The following ARHGAP22 variants were observed in gnomAD, a reference collection of about 807,000 sequenced individuals.
ARHGAP22 encodes the protein Rho GTPase activating protein 22.
Under a neutral mutation model 59.1 loss-of-function variants are expected in ARHGAP22, and 48 were observed. The observed-to-expected ratio is 0.81, with a 90% CI of 0.64 to 1.03. The LOEUF is 1.03. Ranked by LOEUF, ARHGAP22 falls within the 50% of genes least tolerant of loss-of-function variation. The probability of loss-of-function intolerance (pLI) is 0.00; values close to 1 mark genes in which losing one functional copy is unlikely to be tolerated. For synonymous variants in ARHGAP22, 445 were observed against 416.4 expected, an observed-to-expected ratio of 1.07 and a Z score of -0.84; for missense variants, 1,015 against 958.7, an observed-to-expected ratio of 1.06 and a Z score of -0.78.
intron 1 of ARHGAP22, among the ~76,000 whole-genome samples, chr10:48,628,302 C>T (rs1044891220): frequency 6.6e-6 from 1 of 152,238 alleles, no homozygotes; most frequent in Non-Finnish European, 1.5e-5. Flanking sequence ...ATCTACCAGG[C>T]ACCTACCACA....
At chr10:48,492,412 T>C (rs1414402542) in intron 3 of ARHGAP22, among the ~76,000 whole-genome samples, 1 of 152,170 alleles carries the variant, frequency 6.6e-6, no homozygotes, top group Non-Finnish European at 1.5e-5. Flanking sequence ...AGGCCAAGTG[T>C]CTAGATGCAG....
intron 3 of ARHGAP22, among the ~76,000 whole-genome samples, chr10:48,544,920 T>C (rs897389086): frequency 1.3e-5 from 2 of 152,176 alleles, no homozygotes; most frequent in African/African-American, 2.4e-5. Flanking sequence ...TAAGTAAATA[T>C]ATATCAAGTA....
chr10:48,645,908 C>A (rs897607246), intron 1 of ARHGAP22, among the ~76,000 whole-genome samples: 2 of 152,118 alleles, frequency 1.3e-5, no homozygotes, highest in African/African-American at 4.8e-5. Context: ...AGAAGAAAAT[C>A]TGTCTTTATT....
chr10:48,486,450 C>T (rs1350280992), intron 3 of ARHGAP22, among the ~76,000 whole-genome samples: 1 of 151,974 alleles, frequency 6.6e-6, no homozygotes, highest in Non-Finnish European at 1.5e-5. Context: ...AAGCAATTCT[C>T]CCGTCTCAGC....
chr10:48,512,899 A>G lies in ARHGAP22; in HGVS notation c.323-33135T>C, dbSNP rs561310698. On this transcript the variant is annotated intron_variant, in intron 3 of 9. Coordinates refer to ENST00000249601, the MANE Select transcript of ARHGAP22 (RefSeq NM_021226.4). Reference sequence around the variant, plus strand: ...AAGGGGGACAAGGCCGCATCTAGAGAAGCCTTGAGAACTTGCTCATATACC... The same window carrying G: ...AAGGGGGACAAGGCCGCATCTAGAGGAGCCTTGAGAACTTGCTCATATACC... 2.0e-5 allele frequency among the ~76,000 whole-genome samples: 3 copies of G among 152,324 alleles called. No homozygotes were observed. The South Asian group carries it at 6.2e-4, about 32-fold the overall frequency.
the ARHGAP22 span, chr10:48,439,376 T>C: frequency 6.6e-6 from 1 of 151,684 alleles, no homozygotes. Context: ...AGTTTTTTCA[T>C]TGAAAACAAA....
intron 7 of ARHGAP22, 147 bp downstream of exon 7, chr10:48,453,941 C>G (rs41306926): frequency 0.1 from 83,799 of 807,250 alleles, 4,624 homozygotes; most frequent in African/African-American, 0.12. Context: ...CCACTCCCTG[C>G]TTCGTCCACG....
At chr10:48,509,293 C>T (rs750443785) in intron 3 of ARHGAP22, among the ~76,000 whole-genome samples, 22 of 152,168 alleles carry the variant, frequency 1.4e-4, no homozygotes, top group Non-Finnish European at 2.5e-4. Flanking sequence ...CATGGGGCAT[C>T]GCTCAGGAGC....
chr10:48,652,373 T>TACTGGAAAACAGGAA, exon 1 of ARHGAP22: 1 of 1,151,722 alleles, frequency 8.7e-7, no homozygotes, highest in Non-Finnish European at 1.3e-6. Flanking sequence ...TAATTCCTGT[T>TACTGGAAAACAGGAA]TTCCAGTAAC....
intron 4 of ARHGAP22, among the ~76,000 whole-genome samples, chr10:48,460,232 T>C (rs1467508933): frequency 6.6e-6 from 1 of 152,166 alleles, no homozygotes; most frequent in Non-Finnish European, 1.5e-5. Context: ...TTTGCAGTCA[T>C]TCCAAATGAG....
intron 1 of ARHGAP22, among the ~76,000 whole-genome samples, chr10:48,613,782 G>A (rs1272427525): frequency 6.6e-6 from 1 of 152,146 alleles, no homozygotes; most frequent in Non-Finnish European, 1.5e-5. Context: ...GAAGTGCTAT[G>A]GTTTGAGTGT....
At chr10:48,655,044 T>C (rs375300477), upstream of ARHGAP22, among the ~76,000 whole-genome samples, 1 of 50,684 alleles carries the variant, frequency 2.0e-5, no homozygotes, top group African/African-American at 7.4e-5. Context: ...CTTTCTTTCT[T>C]TCTTTCTTTC....
intron 3 of ARHGAP22, among the ~76,000 whole-genome samples, chr10:48,520,785 G>T (rs1439723432): frequency 6.6e-6 from 1 of 152,102 alleles, no homozygotes; most frequent in Admixed American, 6.5e-5. Context: ...CAGCAGGAAG[G>T]GTGAGGGGCG....
intron 1 of ARHGAP22, among the ~76,000 whole-genome samples, chr10:48,631,377 A>G (rs1304273685): frequency 6.6e-6 from 1 of 152,222 alleles, no homozygotes; most frequent in Non-Finnish European, 1.5e-5. Context: ...TAGAGAATTT[A>G]TCTAATTTCT....
At chr10:48,535,664 G>A (rs1387004621) in intron 3 of ARHGAP22, among the ~76,000 whole-genome samples, 3 of 152,342 alleles carry the variant, frequency 2.0e-5, no homozygotes, top group South Asian at 4.1e-4. Context: ...GGTGCTGTAA[G>A]GGACAGTCAG....
chr10:48,591,548 C>A (rs2059755149), intron 1 of ARHGAP22, among the ~76,000 whole-genome samples: 1 of 152,116 alleles, frequency 6.6e-6, no homozygotes, highest in African/African-American at 2.4e-5. Flanking sequence ...TAAGATACCG[C>A]ACTGTGTACC....
At chr10:48,649,330 G>T (rs1565059473) in intron 1 of ARHGAP22, among the ~76,000 whole-genome samples, 1 of 152,156 alleles carries the variant, frequency 6.6e-6, no homozygotes, top group Non-Finnish European at 1.5e-5. Context: ...AAAGGCCAAG[G>T]TGAGGACAAC....
chr10:48,499,118 G>A (rs1564773001), intron 3 of ARHGAP22, among the ~76,000 whole-genome samples: 2 of 152,264 alleles, frequency 1.3e-5, no homozygotes, highest in African/African-American at 4.8e-5. Context: ...GGGAGGCCAT[G>A]TCCTCATTGA....
At chr10:48,505,887 C>G (rs1214350874) in intron 3 of ARHGAP22, among the ~76,000 whole-genome samples, 3 of 152,224 alleles carry the variant, frequency 2.0e-5, no homozygotes, top group African/African-American at 7.2e-5. Context: ...GGGCCTGTGG[C>G]TCTCCACACC....
Sources: allele counts gnomAD v4.1 joint callset (sites outside exome capture counted in the v4.1 genomes callset), GRCh38; gene constraint gnomAD v4.1.1; transcripts MANE v1.5; gene names NCBI Gene and HGNC (gene_info 2026-07-23, HGNC 2026-07-21).